Variants in RAP1A observed in about 807,000 individuals in gnomAD.
RAP1A encodes ras-related protein Rap-1A.
A neutral mutation model predicts 26.4 loss-of-function variants in RAP1A; 6 were observed. The ratio of observed to expected loss-of-function variants is 0.23; its 90% CI spans 0.12 to 0.45. RAP1A has a LOEUF of 0.45. Among genes scored for constraint, RAP1A ranks in the 20% least tolerant of loss-of-function variants. The pLI is 0.99. For synonymous variants in RAP1A, 73 were observed against 79.4 expected (o/e 0.92, Z 0.43); for missense variants, 121 against 217.2 (o/e 0.56, Z 2.78).
At chr1:111,651,616 AC>A (rs1454282760) in intron 1 of RAP1A, among the ~76,000 whole-genome samples, 1 of 151,646 alleles carries the variant, frequency 6.6e-6, no homozygotes, top group African/African-American at 2.4e-5. Context: ...AGCTGGGATT[AC>A]AGGCATGTGC....
intron 1 of RAP1A, among the ~76,000 whole-genome samples, chr1:111,562,010 C>T (rs1020650194): frequency 6.6e-6 from 1 of 152,140 alleles, no homozygotes; most frequent in African/African-American, 2.4e-5. Flanking sequence ...AAACCCTCCA[C>T]ACTCTGAACC....
At chr1:111,592,543 T>G (rs1010275835) in intron 1 of RAP1A, among the ~76,000 whole-genome samples, 1 of 152,220 alleles carries the variant, frequency 6.6e-6, no homozygotes, top group Non-Finnish European at 1.5e-5. Flanking sequence ...ACTGCACCCT[T>G]CCACCTTGCT....
chr1:111,581,450 A>G (rs1658256971), intron 1 of RAP1A, among the ~76,000 whole-genome samples: 1 of 152,180 alleles, frequency 6.6e-6, no homozygotes, highest in Non-Finnish European at 1.5e-5. Context: ...GCTGCTAAAT[A>G]TCCTTTAATG....
At chr1:111,683,816 C>T (rs187591673) in intron 1 of RAP1A, among the ~76,000 whole-genome samples, 104 of 152,272 alleles carry the variant, frequency 6.8e-4, no homozygotes, top group African/African-American at 2.4e-3. Context: ...TTTTATGAGG[C>T]CAGTGTCATC....
chr1:111,564,604 C>T (rs568330524), intron 1 of RAP1A, among the ~76,000 whole-genome samples: 1 of 151,528 alleles, frequency 6.6e-6, no homozygotes, highest in South Asian at 2.1e-4. Context: ...GCTCCACCTC[C>T]CGGGTTCACA....
chr1:111,551,766 G>GTTTTGTTTT lies in RAP1A; in HGVS notation c.-28+9261_-28+9262insGTTTTTTTT, dbSNP rs143200472. Among the ~76,000 whole-genome samples, 554 of 149,234 alleles carry GTTTTGTTTT rather than the reference G, an allele frequency of 3.7e-3. 2 individuals are homozygous for GTTTTGTTTT. The highest frequency in any genetic ancestry group is 0.013 in the African/African-American group (527 of 40,810). On this transcript the variant is annotated intron_variant, in intron 1 of 7. Transcript: ENST00000356415. ...TTTTGGTTTTGTTTTGTTTTGTTTT[G>GTTTTGTTTT]TTTTTTTGAGATGGAGTCTTTACAG...
chr1:111,625,629 A>C (rs1659374077), intron 1 of RAP1A, among the ~76,000 whole-genome samples: 1 of 152,242 alleles, frequency 6.6e-6, no homozygotes, highest in Non-Finnish European at 1.5e-5. Context: ...ATATTGTAGC[A>C]GTTGAAATTT....
intron 1 of RAP1A, among the ~76,000 whole-genome samples, chr1:111,666,868 CA>C (rs1660811637): frequency 6.6e-6 from 1 of 152,036 alleles, no homozygotes; most frequent in South Asian, 2.1e-4. Context: ...AGCCCTGTGG[CA>C]GAAGGGAGCA....
chr1:111,645,980 A>G (rs1248541923), intron 1 of RAP1A, among the ~76,000 whole-genome samples: 1 of 152,234 alleles, frequency 6.6e-6, no homozygotes. Flanking sequence ...TTTTCCTCAG[A>G]TTACACACAC....
intron 1 of RAP1A, among the ~76,000 whole-genome samples, chr1:111,572,490 GA>G (rs1250717675): frequency 2.0e-5 from 3 of 152,190 alleles, no homozygotes; most frequent in Non-Finnish European, 4.4e-5. Flanking sequence ...TTTATCCCCT[GA>G]TTCACTTCTC....
intron 1 of RAP1A, among the ~76,000 whole-genome samples, chr1:111,646,379 G>A (rs1660063601): frequency 1.3e-5 from 2 of 150,204 alleles, no homozygotes; most frequent in Non-Finnish European, 3.0e-5. Context: ...GGAGAGACAG[G>A]GTGTGTCTGT....
rs1660673710 is a variant in RAP1A at position 111,662,528 on chromosome 1, TTG to T, written c.-27-28802_-27-28801del. Among the ~76,000 whole-genome samples the T allele has an allele frequency of 5.3e-5, 8 of 152,252 alleles. No individual in the cohort carries two copies. The South Asian group carries it at 1.7e-3, about 32-fold the overall frequency. ...ATTAATAGCTCTGGGAACAAAAAAT[TTG>T]TGTAGAACTGTAGCACTTACGAGGA... On this transcript the variant is annotated intron_variant, in intron 1 of 7. Transcript: ENST00000369709.
At chr1:111,669,548 C>G (rs1660911571) in intron 1 of RAP1A, among the ~76,000 whole-genome samples, 1 of 152,218 alleles carries the variant, frequency 6.6e-6, no homozygotes, top group South Asian at 2.1e-4. Context: ...GAGCTTGGCT[C>G]TCTCAGACTA....
At chr1:111,647,215 A>G (rs1455869164) in intron 1 of RAP1A, among the ~76,000 whole-genome samples, 2 of 152,160 alleles carry the variant, frequency 1.3e-5, no homozygotes, top group African/African-American at 4.8e-5. Context: ...TTGCATATGT[A>G]CATAATCTAG....
intron 1 of RAP1A, among the ~76,000 whole-genome samples, chr1:111,684,209 T>G (rs140012946): frequency 0.011 from 1,652 of 152,304 alleles, 25 homozygotes; most frequent in African/African-American, 0.038. Context: ...AGTATCATAC[T>G]GAATGGACAA....
intron 1 of RAP1A, among the ~76,000 whole-genome samples, chr1:111,680,096 G>A (rs184423633): frequency 6.6e-6 from 1 of 152,290 alleles, no homozygotes; most frequent in African/African-American, 2.4e-5. Context: ...TCCTGACTGG[G>A]AGACACCTCC....
chr1:111,637,506 C>G (rs1168530574), intron 1 of RAP1A, among the ~76,000 whole-genome samples: 2 of 152,102 alleles, frequency 1.3e-5, no homozygotes, highest in Non-Finnish European at 2.9e-5. Flanking sequence ...CAATTTTCAC[C>G]CCATTGGTGG....
chr1:111,612,656 A>T (rs1658943899), intron 1 of RAP1A, among the ~76,000 whole-genome samples: 1 of 152,248 alleles, frequency 6.6e-6, no homozygotes, highest in Non-Finnish European at 1.5e-5. Flanking sequence ...TTAAAAAACA[A>T]ATATAAAAGC....
At chr1:111,686,179 C>T (rs930885804) in intron 1 of RAP1A, among the ~76,000 whole-genome samples, 1 of 152,044 alleles carries the variant, frequency 6.6e-6, no homozygotes. Context: ...ATGTAGATGA[C>T]AGGTTGATGG....
Sources: allele counts gnomAD v4.1 joint callset (sites outside exome capture counted in the v4.1 genomes callset), GRCh38; gene constraint gnomAD v4.1.1; transcripts MANE v1.5; gene names NCBI Gene and HGNC (gene_info 2026-07-23, HGNC 2026-07-21).